Variants in AGPAT3 observed in about 807,000 individuals in gnomAD.
AGPAT3 encodes the protein 1-acyl-sn-glycerol-3-phosphate acyltransferase gamma.
Under a neutral mutation model 47.3 loss-of-function variants are expected in AGPAT3, and 5 were observed. That is an observed-to-expected ratio of 0.11 (90% CI 0.06 to 0.22). AGPAT3 has a LOEUF of 0.22. Among genes scored for constraint, AGPAT3 ranks in the 10% least tolerant of loss-of-function variants. The probability of loss-of-function intolerance (pLI) is 1.00; values close to 1 mark genes in which losing one functional copy is unlikely to be tolerated. For synonymous variants in AGPAT3, 212 were observed against 208.3 expected (o/e 1.02, Z -0.15); for missense variants, 315 against 493.0 (o/e 0.64, Z 3.42).
chr21:43,873,212 A>G (rs984666491), intron 1 of AGPAT3, among the ~76,000 whole-genome samples: 3 of 152,144 alleles, frequency 2.0e-5, no homozygotes, highest in African/African-American at 7.2e-5. Context: ...AGCTCTCTCA[A>G]TGCCTGTCTC....
intron 1 of AGPAT3, among the ~76,000 whole-genome samples, chr21:43,870,835 A>G (rs1223442427): frequency 2.6e-5 from 4 of 152,220 alleles, no homozygotes; most frequent in African/African-American, 9.6e-5. Flanking sequence ...GGGTCCAGCT[A>G]GGAAGGTAAG....
At chr21:43,873,598 G>A (rs1489104549) in intron 1 of AGPAT3, among the ~76,000 whole-genome samples, 2 of 152,124 alleles carry the variant, frequency 1.3e-5, no homozygotes, top group Non-Finnish European at 2.9e-5. Flanking sequence ...GGCTGGTCTC[G>A]AACTCCTGAC....
intron 8 of AGPAT3, 136 bp from the exon 9 acceptor site, chr21:43,980,853 T>G (rs2089823414): frequency 1.2e-6 from 1 of 820,068 alleles, no homozygotes; most frequent in African/African-American, 1.7e-5. Context: ...CTGCAGCTTC[T>G]GTGATTTGTG....
chr21:43,945,695 C>T (rs150606610), intron 2 of AGPAT3, among the ~76,000 whole-genome samples: 78 of 152,320 alleles, frequency 5.1e-4, no homozygotes, highest in African/African-American at 1.8e-3. Context: ...GTTCTGAAAC[C>T]TACTCGGTTT....
intron 1 of AGPAT3, among the ~76,000 whole-genome samples, chr21:43,894,694 A>T (rs1472906990): frequency 1.3e-5 from 2 of 152,192 alleles, no homozygotes; most frequent in Non-Finnish European, 2.9e-5. Context: ...TCAAGTGTTT[A>T]TCTATACCCA....
Position 43,889,286 on chromosome 21 carries a change from GT to G in AGPAT3, c.-111-14656del, listed in dbSNP as rs5844169. Among the ~76,000 whole-genome samples the G allele has an allele frequency of 7.9e-3, 1,109 of 139,738 alleles. 9 individuals are homozygous for G. The highest frequency in any genetic ancestry group is 0.023 in the African/African-American group (876 of 37,706). The allele number at this position is 139,738 out of a possible 152,430, so 91.7% of individuals were successfully genotyped here. A position where few individuals can be genotyped will look rare whatever the true frequency, so the allele number is the denominator to read the frequency against. ...CTGCTAAGTGAAGTGGTTGTTGTGGGTTTTTTTTTTTTTTTAATGTTTTTTA... is the reference window on the plus strand; with the variant it reads ...CTGCTAAGTGAAGTGGTTGTTGTGGGTTTTTTTTTTTTTTAATGTTTTTTA... On this transcript the variant is annotated intron_variant, in intron 1 of 9. Coordinates refer to ENST00000291572, the MANE Select transcript of AGPAT3 (RefSeq NM_020132.5).
rs898656421 is a variant in AGPAT3 at position 43,977,486 on chromosome 21, A to G, written c.768-560A>G. On this transcript the variant is annotated intron_variant, in intron 7 of 9. Transcript: ENST00000291572. ...GGTTAATGCTGCCGCCACCCTGCAC[A>G]GAAGGCCACATCCTGGCCTCTCGCC... is the stretch of plus-strand genomic sequence containing the variant. Among the ~76,000 whole-genome samples the G allele has an allele frequency of 6.6e-5, 10 of 152,358 alleles. No homozygotes were observed. The South Asian group carries it at 2.1e-3, about 32-fold the overall frequency.
chr21:43,899,520 G>A (rs550994724), intron 1 of AGPAT3, among the ~76,000 whole-genome samples: 20 of 152,334 alleles, frequency 1.3e-4, no homozygotes, highest in Admixed American at 1.2e-3. Flanking sequence ...TGAGCGATTC[G>A]TGACCGGATC....
chr21:43,969,041 G>A, intron 4 of AGPAT3, 77 bp from the exon 5 acceptor site: 1 of 1,479,368 alleles, frequency 6.8e-7, no homozygotes, highest in Non-Finnish European at 9.3e-7. Context: ...GGAGCTGGGT[G>A]CAGCGGGAGC....
In AGPAT3 at chr21:43,930,171, G is replaced by A. The variant is rs889122217; in HGVS notation, c.-49+26152G>A. 6.6e-6 allele frequency among the ~76,000 whole-genome samples: 1 copy of A among 152,210 alleles called. No individual in the cohort carries two copies. Among genetic ancestry groups the A allele is most frequent in the Non-Finnish European group, 1.5e-5 (1 of 68,036 alleles). ...AACCGTCACTCCACGGAGAGTCTAAGGCAGAGAGAAGTTGGGTTCCCCTTC... is the reference window on the plus strand; with the variant it reads ...AACCGTCACTCCACGGAGAGTCTAAAGCAGAGAGAAGTTGGGTTCCCCTTC... On this transcript the variant is annotated intron_variant, in intron 2 of 9. Coordinates refer to ENST00000291572, the MANE Select transcript of AGPAT3 (RefSeq NM_020132.5). This position sits in a 1 kb window ranked among gnomAD's most constrained non-coding sequence, Gnocchi z 5.0.
At chr21:43,961,814 T>C (rs1489577792) in intron 3 of AGPAT3, among the ~76,000 whole-genome samples, 1 of 151,950 alleles carries the variant, frequency 6.6e-6, no homozygotes, top group Non-Finnish European at 1.5e-5. Context: ...GGGAAATGGC[T>C]GGCCTGTAAC....
At position 43,868,779 on chromosome 21, in the gene AGPAT3, C is replaced by T. The variant is rs995856610; in HGVS notation, c.-112+3434C>T. 3.3e-5 allele frequency among the ~76,000 whole-genome samples: 5 copies of T among 152,254 alleles called. No homozygotes were observed. In the East Asian group the frequency reaches 9.6e-4, roughly 29 times the overall value. On this transcript the variant is annotated intron_variant, in intron 1 of 9. Coordinates refer to ENST00000291572, the MANE Select transcript of AGPAT3 (RefSeq NM_020132.5). Reference sequence around the variant, plus strand: ...TGTCACCTGCTTTATGACATGCTTACCTTATTATTTTATAAGCTCCTCTAC... The same window carrying T: ...TGTCACCTGCTTTATGACATGCTTATCTTATTATTTTATAAGCTCCTCTAC...
chr21:43,974,763 G>T (rs1036552241), intron 7 of AGPAT3, among the ~76,000 whole-genome samples: 4 of 152,122 alleles, frequency 2.6e-5, no homozygotes, highest in African/African-American at 9.7e-5. Context: ...GGCTGTGTGT[G>T]TCAGGGACCA....
chr21:43,969,349 G>A, intron 5 of AGPAT3, 70 bp downstream of exon 5: 1 of 1,582,220 alleles, frequency 6.3e-7, no homozygotes, highest in South Asian at 1.1e-5. Context: ...ATGCACGGCT[G>A]CCCACATCCC....
At chr21:43,940,564 A>G (rs2087618945) in intron 2 of AGPAT3, among the ~76,000 whole-genome samples, 1 of 152,214 alleles carries the variant, frequency 6.6e-6, no homozygotes, top group Non-Finnish European at 1.5e-5. Flanking sequence ...TGTTCAGAAC[A>G]TTCCTGAAGG....
intron 2 of AGPAT3, among the ~76,000 whole-genome samples, chr21:43,913,308 T>G (rs1315618253): frequency 6.6e-6 from 1 of 152,086 alleles, no homozygotes; most frequent in Non-Finnish European, 1.5e-5. Context: ...TCTTAAAAAA[T>G]TACTGAGGGC....
intron 7 of AGPAT3, among the ~76,000 whole-genome samples, chr21:43,975,174 C>G (rs1031980593): frequency 5.4e-5 from 8 of 149,474 alleles, no homozygotes; most frequent in African/African-American, 2.0e-4. Flanking sequence ...GTGGTGGGTG[C>G]TGGTGTATGG....
intron 1 of AGPAT3, among the ~76,000 whole-genome samples, chr21:43,886,747 T>G (rs184136892): frequency 6.6e-6 from 1 of 152,350 alleles, no homozygotes. Context: ...GAGCTCCAGT[T>G]CCATCCATGT....
intron 3 of AGPAT3, among the ~76,000 whole-genome samples, chr21:43,962,105 A>G (rs2088900077): frequency 6.7e-6 from 1 of 149,388 alleles, no homozygotes; most frequent in Non-Finnish European, 1.5e-5. Context: ...GGTTCACGCC[A>G]TTCTCCTGCC....
Sources: gnomAD v4.1 joint callset for allele counts (sites outside exome capture counted in the v4.1 genomes callset) on GRCh38, gnomAD v4.1.1 for gene constraint, Gnocchi (gnomAD v3.1) non-coding constraint, MANE v1.5 for transcripts, NCBI Gene and HGNC (gene_info 2026-07-23, HGNC 2026-07-21) for gene names.